Variants in CMIP observed in about 807,000 individuals in gnomAD.
CMIP encodes C-Maf-inducing protein.
CMIP carries 13 observed loss-of-function variants against 97.3 expected under a neutral mutation model. That is an observed-to-expected ratio of 0.13 (90% CI 0.09 to 0.21). The LOEUF (loss-of-function observed/expected upper bound fraction) is 0.21. Ranked by LOEUF, CMIP falls within the 10% of genes least tolerant of loss-of-function variation. The pLI, the probability that CMIP is intolerant of heterozygous loss-of-function variation, is 1.00. For missense variants in CMIP, 847 were observed against 1,024.9 expected, an observed-to-expected ratio of 0.83 and a Z score of 2.37; for synonymous variants, 538 against 436.3, an observed-to-expected ratio of 1.23 and a Z score of -2.91.
chr16:81,447,682 G>C (rs1229018171), intron 1 of CMIP, among the ~76,000 whole-genome samples: 1 of 152,232 alleles, frequency 6.6e-6, no homozygotes, highest in Non-Finnish European at 1.5e-5. Flanking sequence ...GGAAGTGTTT[G>C]ATGGACTGGC....
chr16:81,556,152 ACAGTC>A (rs1277029919), intron 1 of CMIP, among the ~76,000 whole-genome samples: 2 of 152,240 alleles, frequency 1.3e-5, no homozygotes, highest in African/African-American at 4.8e-5. Flanking sequence ...CAGGAGTAGA[ACAGTC>A]CACTTACCTG....
Position 81,664,322 on chromosome 16 carries a change from G to C in CMIP, c.798G>C (p.Val266=). 1 of 1,599,464 alleles carries C rather than the reference G, an allele frequency of 6.3e-7. No homozygotes were observed. Among genetic ancestry groups the C allele is most frequent in the Middle Eastern group, 1.7e-4 (1 of 6,000 alleles). Reference sequence around the variant, plus strand: ...TGGTCATCGAGGTGTTCACCCCCGTGGTGCAGCGAATCCTCAAGCATAACA... The same window carrying C: ...TGGTCATCGAGGTGTTCACCCCCGTCGTGCAGCGAATCCTCAAGCATAACA... ...SMVVIEVFTP[V]VQRILKHNMD... Residue 266 remains valine (V), a synonymous_variant, in exon 7 of 21, where the codon GTG becomes GTC. Coordinates refer to ENST00000537098, the MANE Select transcript of CMIP (RefSeq NM_198390.3).
intron 1 of CMIP, among the ~76,000 whole-genome samples, chr16:81,542,246 G>T (rs1277696351): frequency 6.6e-6 from 1 of 152,196 alleles, no homozygotes; most frequent in Admixed American, 6.5e-5. Flanking sequence ...GGGGAGCTCT[G>T]TGAAAATGGG....
intron 1 of CMIP, among the ~76,000 whole-genome samples, chr16:81,485,856 G>T (rs1287507547): frequency 6.6e-6 from 1 of 152,192 alleles, no homozygotes; most frequent in Non-Finnish European, 1.5e-5. Flanking sequence ...TAGAGCTGGG[G>T]TGGCACCACG....
rs749540833 is a variant in CMIP at position 81,678,279 on chromosome 16, G to A, written c.1039G>A (p.Asp347Asn). Reference sequence around the variant, plus strand: ...CTCTCCCGCCTCTTCCCCCAGCCGCGACAATTCCCCAAGCCTGAAGGAAAT... The same window carrying A: ...CTCTCCCGCCTCTTCCCCCAGCCGCAACAATTCCCCAAGCCTGAAGGAAAT... ...SCYEEFINSR[D>N]NSPSLKEIRN... The change falls in exon 10 of 21, where the codon GAC (aspartate) becomes AAC (asparagine). Residue 347 changes from aspartate (D) to asparagine (N), a missense_variant. Asp to Asn is a conservative substitution (Grantham distance 23). This residue lies in a region of CMIP where 285 missense variants were observed against 392.2 expected (regional missense o/e 0.73). Coordinates refer to ENST00000537098, the MANE Select transcript of CMIP (RefSeq NM_198390.3). 4.4e-6 allele frequency: 7 copies of A among 1,590,750 alleles called. No homozygotes were observed. The highest frequency in any genetic ancestry group is 2.2e-5 in the East Asian group (1 of 44,514).
At chr16:81,457,531 C>A (rs989624490) in intron 1 of CMIP, among the ~76,000 whole-genome samples, 5 of 152,320 alleles carry the variant, frequency 3.3e-5, no homozygotes, top group Admixed American at 3.3e-4. Context: ...CTCCACCTGC[C>A]AGGTGCTGGC....
At chr16:81,548,356 A>G (rs1453771110) in intron 1 of CMIP, among the ~76,000 whole-genome samples, 1 of 151,480 alleles carries the variant, frequency 6.6e-6, no homozygotes, top group Non-Finnish European at 1.5e-5. Flanking sequence ...CTGTTCTCGA[A>G]CTCCTGAGCT....
chr16:81,534,563 C>G (rs2090304503), intron 1 of CMIP, among the ~76,000 whole-genome samples: 1 of 151,752 alleles, frequency 6.6e-6, no homozygotes, highest in Non-Finnish European at 1.5e-5. Flanking sequence ...AGTTGAGTGT[C>G]TTAATTAGTG....
At chr16:81,528,505 A>G (rs979881155) in intron 1 of CMIP, among the ~76,000 whole-genome samples, 3 of 152,204 alleles carry the variant, frequency 2.0e-5, no homozygotes, top group African/African-American at 7.2e-5. Flanking sequence ...GGCCTGGTAG[A>G]AGTTCTTACA....
At chr16:81,636,141 C>T (rs942085080) in intron 3 of CMIP, among the ~76,000 whole-genome samples, 6 of 151,838 alleles carry the variant, frequency 4.0e-5, no homozygotes, top group South Asian at 2.1e-4. Context: ...TACAGGTGTG[C>T]GGGCCATGAG....
intron 2 of CMIP, chr16:81,620,602 C>G (rs1265273428): frequency 5.1e-6 from 2 of 390,830 alleles, no homozygotes; most frequent in Non-Finnish European, 9.5e-6. Flanking sequence ...TTAAAGCTCT[C>G]AAGTCAGCAG....
intron 1 of CMIP, among the ~76,000 whole-genome samples, chr16:81,553,201 G>A (rs1217120201): frequency 6.6e-6 from 1 of 152,118 alleles, no homozygotes; most frequent in Admixed American, 6.5e-5. Context: ...GCTCCGTTTC[G>A]CAGATTGCTC....
chr16:81,699,397 G>T (rs897172781), intron 14 of CMIP, among the ~76,000 whole-genome samples: 1 of 152,268 alleles, frequency 6.6e-6, no homozygotes, highest in African/African-American at 2.4e-5. Context: ...GTTAAATCAG[G>T]TACTACTAAA....
At chr16:81,454,297 T>C (rs997029406) in intron 1 of CMIP, among the ~76,000 whole-genome samples, 5 of 152,222 alleles carry the variant, frequency 3.3e-5, no homozygotes, top group African/African-American at 1.2e-4. Flanking sequence ...ACAGATGCTC[T>C]AATGGAGTCT....
At chr16:81,559,647 G>A (rs1006383169) in intron 1 of CMIP, among the ~76,000 whole-genome samples, 5 of 152,214 alleles carry the variant, frequency 3.3e-5, no homozygotes, top group Non-Finnish European at 4.4e-5. Context: ...TGGTGCTGGT[G>A]TAAACCTCTC....
chr16:81,528,136 A>G (rs1384882347), intron 1 of CMIP, among the ~76,000 whole-genome samples: 2 of 152,232 alleles, frequency 1.3e-5, no homozygotes, highest in African/African-American at 2.4e-5. Flanking sequence ...ATATAACAGT[A>G]TTCAACTTTT....
chr16:81,696,266 C>T (rs1343662482), intron 13 of CMIP: 3 of 489,076 alleles, frequency 6.1e-6, no homozygotes, highest in African/African-American at 4.0e-5. Context: ...CTACCTGCTG[C>T]AGCCACAGGC....
intron 10 of CMIP, among the ~76,000 whole-genome samples, chr16:81,686,124 G>A (rs2151070908): frequency 6.6e-6 from 1 of 152,336 alleles, no homozygotes; most frequent in Non-Finnish European, 1.5e-5. Flanking sequence ...GCTGACGCAT[G>A]GGAGCCCTTG....
intron 3 of CMIP, among the ~76,000 whole-genome samples, chr16:81,637,513 T>C (rs989646005): frequency 6.6e-6 from 1 of 152,210 alleles, no homozygotes; most frequent in African/African-American, 2.4e-5. Flanking sequence ...ATTATCCCCA[T>C]TTTACAGATG....
Sources: allele counts gnomAD v4.1 joint callset (sites outside exome capture counted in the v4.1 genomes callset), GRCh38; gene constraint gnomAD v4.1.1; regional missense constraint gnomAD v4.1.1; transcripts MANE v1.5; gene names NCBI Gene and HGNC (gene_info 2026-07-23, HGNC 2026-07-21).